DYNC2H1: variants seen among roughly 807,000 people sequenced by gnomAD.
DYNC2H1 encodes the protein dynein cytoplasmic 2 heavy chain 1.
Under a neutral mutation model 570.0 loss-of-function variants are expected in DYNC2H1, and 410 were observed. The ratio of observed to expected loss-of-function variants is 0.72; its 90% CI spans 0.66 to 0.78. The LOEUF (loss-of-function observed/expected upper bound fraction) is 0.78, where lower values mean the gene tolerates loss of function less well. DYNC2H1 is among the 30% of genes least tolerant of loss of function. The probability of loss-of-function intolerance (pLI) is 0.00; values close to 1 mark genes in which losing one functional copy is unlikely to be tolerated. For missense variants in DYNC2H1, 4,865 were observed against 5,046.4 expected (o/e 0.96, Z 1.09); for synonymous variants, 1,688 against 1,677.6 (o/e 1.01, Z -0.15).
At position 103,439,555 on chromosome 11, in the gene DYNC2H1, G is replaced by A. The variant is rs993197728; in HGVS notation, c.12456+3523G>A. On this transcript the variant is annotated intron_variant, in intron 85 of 88. Coordinates refer to ENST00000375735, the MANE Select transcript of DYNC2H1 (RefSeq NM_001377.3). This position sits in a 1 kb window ranked among gnomAD's most constrained non-coding sequence, Gnocchi z 4.1. ...ATTATGTTTTAAAGGGACTGTTTTA[G>A]CTGCAGTATGGAGAGAGTCTTAGTC... is the stretch of plus-strand genomic sequence containing the variant. 6.6e-6 allele frequency among the ~76,000 whole-genome samples: 1 copy of A among 152,008 alleles called. No individual in the cohort carries two copies.
chr11:103,378,317 C>G (rs1203663471), intron 83 of DYNC2H1, among the ~76,000 whole-genome samples: 2 of 152,076 alleles, frequency 1.3e-5, no homozygotes, highest in Admixed American at 1.3e-4. Flanking sequence ...GATAATTTAT[C>G]ATATATATTT....
At chr11:103,418,160 C>T (rs1276823192) in intron 84 of DYNC2H1, among the ~76,000 whole-genome samples, 1 of 137,646 alleles carries the variant, frequency 7.3e-6, no homozygotes, top group Non-Finnish European at 1.5e-5. Flanking sequence ...TGTTGCACCA[C>T]ATATCCTAGC....
chr11:103,443,164 T>C (rs946648062), intron 85 of DYNC2H1, among the ~76,000 whole-genome samples: 2 of 152,090 alleles, frequency 1.3e-5, no homozygotes, highest in African/African-American at 4.8e-5. Flanking sequence ...TTTCTGAAGA[T>C]ACAATGGAAG....
In DYNC2H1 at chr11:103,197,868, A is replaced by G. The variant is rs1862562337; in HGVS notation, c.7709-65A>G. 13 of 1,489,546 alleles carry G rather than the reference A, an allele frequency of 8.7e-6. 1 individual carries two copies. The highest frequency in any genetic ancestry group is 1.7e-4 in the Middle Eastern group (1 of 5,790). 92.3% of individuals were successfully genotyped at this position (1,489,546 alleles called of 1,614,324 possible). A position where few individuals can be genotyped will look rare whatever the true frequency, so the allele number is the denominator to read the frequency against. On this transcript the variant is annotated intron_variant, in intron 47 of 88. Transcript: ENST00000375735. The stretch of plus-strand genomic sequence containing the variant: ...TAACTTAAAAATGTTTTAGTAGGCA[A>G]TGTATTTGTTGAACTCTCATTACGA...
chr11:103,242,692 T>G (rs1864465181), intron 63 of DYNC2H1, among the ~76,000 whole-genome samples: 1 of 152,196 alleles, frequency 6.6e-6, no homozygotes. Flanking sequence ...GTCTACTAAG[T>G]GCCATTGTGT....
chr11:103,442,067 C>A (rs756839917), intron 85 of DYNC2H1, among the ~76,000 whole-genome samples: 3 of 152,084 alleles, frequency 2.0e-5, no homozygotes, highest in African/African-American at 7.2e-5. Flanking sequence ...TTTAAAACCT[C>A]CAGCATCCCC....
intron 83 of DYNC2H1, among the ~76,000 whole-genome samples, chr11:103,361,969 T>C (rs148984466): frequency 5.0e-4 from 76 of 152,252 alleles, no homozygotes; most frequent in Non-Finnish European, 9.3e-4. Flanking sequence ...AAGTAAAGTT[T>C]AGGTGGAATA....
At chr11:103,115,132 T>C (rs772228291) in intron 3 of DYNC2H1, 45 bp from the exon 4 acceptor site, 8 of 1,399,080 alleles carry the variant, frequency 5.7e-6, no homozygotes, top group Admixed American at 2.0e-5. Flanking sequence ...CATTTTTTTT[T>C]CTCTGATATT....
intron 82 of DYNC2H1, among the ~76,000 whole-genome samples, chr11:103,357,564 G>T (rs910670544): frequency 1.6e-4 from 24 of 152,102 alleles, no homozygotes; most frequent in Non-Finnish European, 3.1e-4. Context: ...TTGAGATTAT[G>T]AAATTTAAAT....
At chr11:103,259,198 G>A (rs987453645) in intron 69 of DYNC2H1, among the ~76,000 whole-genome samples, 2 of 152,040 alleles carry the variant, frequency 1.3e-5, no homozygotes, top group Non-Finnish European at 2.9e-5. Context: ...ATCTTCCTAA[G>A]ACATGTATTC....
In DYNC2H1 at chr11:103,185,537, A is replaced by G. The variant is rs1442740521; in HGVS notation, c.6633+486A>G. On this transcript the variant is annotated intron_variant, in intron 41 of 88. Coordinates refer to ENST00000375735, the MANE Select transcript of DYNC2H1 (RefSeq NM_001377.3). This position sits in a 1 kb window ranked among gnomAD's most constrained non-coding sequence, Gnocchi z 4.5. Reference sequence around the variant, plus strand: ...TAAATAATAAGTGATTTTTTTTCCAATTGACCTCTACTGAAATTATTGGAC... The same window carrying G: ...TAAATAATAAGTGATTTTTTTTCCAGTTGACCTCTACTGAAATTATTGGAC... 4.6e-5 allele frequency among the ~76,000 whole-genome samples: 7 copies of G among 151,774 alleles called. No individual in the cohort carries two copies. The highest frequency in any genetic ancestry group is 9.7e-5 in the African/African-American group (4 of 41,372).
At chr11:103,353,409 T>C (rs1160111555) in intron 82 of DYNC2H1, among the ~76,000 whole-genome samples, 3 of 152,222 alleles carry the variant, frequency 2.0e-5, no homozygotes, top group Admixed American at 6.5e-5. Context: ...CTGTATGTGA[T>C]CTACCAATTG....
At chr11:103,463,454 A>G (rs1432474509) in intron 87 of DYNC2H1, among the ~76,000 whole-genome samples, 2 of 152,182 alleles carry the variant, frequency 1.3e-5, no homozygotes, top group African/African-American at 2.4e-5. Flanking sequence ...AAGAGACTGA[A>G]TAAAGCTGTT....
chr11:103,309,166 C>CTGTTTTTTTTTTTTTTTTTTTT (rs1274431520), intron 78 of DYNC2H1, among the ~76,000 whole-genome samples: 1 of 56,542 alleles, frequency 1.8e-5, no homozygotes, highest in Non-Finnish European at 4.0e-5. Context: ...TAACTGCATG[C>CTGTTTTTTTTTTTTTTTTTTTT]TATTTTTTTT....
At chr11:103,240,957 G>A (rs914163708) in intron 63 of DYNC2H1, among the ~76,000 whole-genome samples, 5 of 152,086 alleles carry the variant, frequency 3.3e-5, no homozygotes, top group South Asian at 2.1e-4. Flanking sequence ...TAGCTACACC[G>A]GAGTACTGTA....
chr11:103,338,779 C>G (rs1367495588), intron 82 of DYNC2H1, among the ~76,000 whole-genome samples: 1 of 152,160 alleles, frequency 6.6e-6, no homozygotes, highest in Non-Finnish European at 1.5e-5. Flanking sequence ...AATTTCCTGT[C>G]TGAGGTCACA....
intron 83 of DYNC2H1, among the ~76,000 whole-genome samples, chr11:103,374,211 A>G (rs752339921): frequency 6.6e-6 from 1 of 152,168 alleles, no homozygotes; most frequent in Non-Finnish European, 1.5e-5. Context: ...GCCGTGTGTC[A>G]TGGGAGGGAC....
chr11:103,375,309 C>A (rs1471041168), intron 83 of DYNC2H1, among the ~76,000 whole-genome samples: 2 of 152,186 alleles, frequency 1.3e-5, no homozygotes, highest in African/African-American at 2.4e-5. Context: ...TCTTGGAGAA[C>A]CTCTGCTAGG....
chr11:103,372,139 A>G (rs552728234), intron 83 of DYNC2H1, among the ~76,000 whole-genome samples: 12 of 145,582 alleles, frequency 8.2e-5, no homozygotes, highest in African/African-American at 2.8e-4. Context: ...TCCCAGGCTC[A>G]AGCAATTCTC....
Sources: allele counts gnomAD v4.1 joint callset (sites outside exome capture counted in the v4.1 genomes callset), GRCh38; gene constraint gnomAD v4.1.1; non-coding constraint Gnocchi (gnomAD v3.1); transcripts MANE v1.5; gene names NCBI Gene and HGNC (gene_info 2026-07-23, HGNC 2026-07-21).